Variants in CSTPP1 observed in about 807,000 individuals in gnomAD.
CSTPP1 encodes UPF0705 protein C11orf49.
chr11:46,955,857 C>T, the CSTPP1 span, among the ~76,000 whole-genome samples: 9,185 of 151,688 alleles, frequency 0.061, 364 homozygotes, highest in Middle Eastern at 0.092. Context: ...CTGGGCGCGG[C>T]GGGTGCCTGA....
the CSTPP1 span, among the ~76,000 whole-genome samples, chr11:46,942,619 A>G: frequency 6.6e-6 from 1 of 152,188 alleles, no homozygotes; most frequent in East Asian, 1.9e-4. Context: ...CTAGACATTT[A>G]GAAGAATCAC....
At chr11:47,161,750 A>T in the CSTPP1 span, 1 of 1,452,916 alleles carries the variant, frequency 6.9e-7, no homozygotes, top group Non-Finnish European at 9.0e-7. Context: ...TGCTGCTGAC[A>T]AGGTGAATAA....
the CSTPP1 span, among the ~76,000 whole-genome samples, chr11:47,038,106 A>AT: frequency 2.4e-5 from 1 of 41,280 alleles, no homozygotes; most frequent in African/African-American, 6.2e-5. Flanking sequence ...CGGGGGGCTG[A>AT]CCCCCCCACC....
At chr11:46,950,240 C>G in the CSTPP1 span, among the ~76,000 whole-genome samples, 1 of 147,056 alleles carries the variant, frequency 6.8e-6, no homozygotes, top group African/African-American at 2.6e-5. Context: ...GTGGCGTGAT[C>G]TTGGCTCACT....
At chr11:47,085,695 G>T in the CSTPP1 span, among the ~76,000 whole-genome samples, 1 of 151,936 alleles carries the variant, frequency 6.6e-6, no homozygotes, top group Non-Finnish European at 1.5e-5. Flanking sequence ...TTCGAGACCA[G>T]CCTGGCTAAC....
the CSTPP1 span, among the ~76,000 whole-genome samples, chr11:46,979,580 T>C: frequency 1.6e-4 from 25 of 152,126 alleles, no homozygotes; most frequent in African/African-American, 6.0e-4. Context: ...TTTGTTATGG[T>C]CAGCTAGCTG....
the CSTPP1 span, among the ~76,000 whole-genome samples, chr11:46,997,769 T>C: frequency 6.6e-6 from 1 of 152,220 alleles, no homozygotes; most frequent in African/African-American, 2.4e-5. Context: ...TTGTTAGTTT[T>C]CCTTCTAACA....
At chr11:47,157,259 G>A in the CSTPP1 span, 6 of 1,520,620 alleles carry the variant, frequency 3.9e-6, no homozygotes, top group Middle Eastern at 2.3e-4. Context: ...CCAGCCCCAG[G>A]GGGTCGGACT....
the CSTPP1 span, among the ~76,000 whole-genome samples, chr11:47,141,244 A>C: frequency 6.6e-6 from 1 of 152,106 alleles, no homozygotes; most frequent in African/African-American, 2.4e-5. Context: ...CCCCTTAGCC[A>C]TTACTCTTCA....
At chr11:47,143,463 G>T in the CSTPP1 span, among the ~76,000 whole-genome samples, 3 of 152,228 alleles carry the variant, frequency 2.0e-5, no homozygotes, top group African/African-American at 7.2e-5. Context: ...TCCACATGCA[G>T]CTGGAAGCCG....
the CSTPP1 span, among the ~76,000 whole-genome samples, chr11:47,094,478 C>CAG: frequency 7.1e-5 from 10 of 140,242 alleles, no homozygotes; most frequent in East Asian, 5.7e-4. Flanking sequence ...TCTTACCACA[C>CAG]ACAGAGAGAG....
the CSTPP1 span, among the ~76,000 whole-genome samples, chr11:47,038,785 T>C: frequency 3.0e-5 from 3 of 98,852 alleles, no homozygotes; most frequent in South Asian, 3.7e-4. Flanking sequence ...ACTTCTCAGA[T>C]GGGGCGGTTG....
the CSTPP1 span, chr11:47,041,428 G>A: frequency 1.5e-5 from 4 of 275,834 alleles, 1 homozygote; most frequent in East Asian, 3.2e-4. Context: ...GCACGTCTGT[G>A]TTCATGTCCC....
chr11:47,013,094 CAT>C, the CSTPP1 span, among the ~76,000 whole-genome samples: 41 of 142,874 alleles, frequency 2.9e-4, no homozygotes, highest in Non-Finnish European at 4.5e-4. Flanking sequence ...AACATATAAT[CAT>C]ATATTATTAT....
At chr11:47,127,448 A>G in the CSTPP1 span, among the ~76,000 whole-genome samples, 1 of 152,222 alleles carries the variant, frequency 6.6e-6, no homozygotes, top group Non-Finnish European at 1.5e-5. Flanking sequence ...TTATTCATTC[A>G]TCAATAAAGA....
the CSTPP1 span, among the ~76,000 whole-genome samples, chr11:46,964,167 A>G: frequency 6.6e-6 from 1 of 152,120 alleles, no homozygotes; most frequent in Non-Finnish European, 1.5e-5. Flanking sequence ...CATGGCATAC[A>G]AACCTTGTGA....
chr11:47,080,178 G>A, the CSTPP1 span, among the ~76,000 whole-genome samples: 8 of 152,206 alleles, frequency 5.3e-5, no homozygotes, highest in African/African-American at 1.4e-4. Flanking sequence ...TTTCAGGGCC[G>A]GGCGCGGTGG....
At chr11:47,055,021 G>A in the CSTPP1 span, among the ~76,000 whole-genome samples, 3 of 132,016 alleles carry the variant, frequency 2.3e-5, 1 homozygote, top group Non-Finnish European at 4.6e-5. Flanking sequence ...GCTCACTGCA[G>A]CCTCGACCTT....
chr11:47,159,422 A>C, the CSTPP1 span, among the ~76,000 whole-genome samples: 1 of 152,108 alleles, frequency 6.6e-6, no homozygotes, highest in Non-Finnish European at 1.5e-5. Context: ...AGGCATGAGA[A>C]TCGGTTGAGC....
Sources: gnomAD v4.1 joint callset for allele counts (sites outside exome capture counted in the v4.1 genomes callset) on GRCh38, gnomAD v4.1.1 for gene constraint, MANE v1.5 for transcripts, NCBI Gene and HGNC (gene_info 2026-07-23, HGNC 2026-07-21) for gene names.